The following AKR1B10 variants were observed in gnomAD, a reference collection of about 807,000 sequenced individuals.
AKR1B10 encodes aldo-keto reductase family 1 member B10, also known as ARP.
Under a neutral mutation model 38.9 loss-of-function variants are expected in AKR1B10, and 39 were observed. That is an observed-to-expected ratio of 1.00 (90% CI 0.78 to 1.31). The LOEUF (loss-of-function observed/expected upper bound fraction) is 1.31. AKR1B10 is among the 50% of genes most tolerant of loss of function. The probability of loss-of-function intolerance (pLI) is 0.00; values close to 1 mark genes in which losing one functional copy is unlikely to be tolerated. For synonymous variants in AKR1B10, 148 were observed against 141.2 expected, an observed-to-expected ratio of 1.05 and a Z score of -0.34; for missense variants, 361 against 382.6, an observed-to-expected ratio of 0.94 and a Z score of 0.47.
In AKR1B10 at chr7:134,528,933, G is replaced by A. The variant is rs1249642047; in HGVS notation, c.66+956G>A. On this transcript the variant is annotated intron_variant, in intron 1 of 9. Transcript: ENST00000359579. ...GTGAGCACCACCCGGCTGTGTTAAC[G>A]ACAGCTGGCAAAATGTGGTAAGGCA... Among the ~76,000 whole-genome samples the A allele has an allele frequency of 2.0e-5, 3 of 152,158 alleles. No individual in the cohort carries two copies. In the East Asian group the frequency reaches 5.8e-4, roughly 29 times the overall value.
intron 9 of AKR1B10, among the ~76,000 whole-genome samples, chr7:134,539,376 A>G (rs1808091404): frequency 6.6e-6 from 1 of 152,188 alleles, no homozygotes; most frequent in South Asian, 2.1e-4. Context: ...TGCTGCCTCC[A>G]TAGGCTTAGG....
intron 7 of AKR1B10, 74 bp downstream of exon 7, chr7:134,537,735 C>T: frequency 1.3e-6 from 2 of 1,546,694 alleles, no homozygotes; most frequent in South Asian, 1.1e-5. Context: ...CTGTGTTGTC[C>T]TCAACAAACT....
chr7:134,533,074 C>G lies in AKR1B10; in HGVS notation c.422C>G (p.Ala141Gly). 6.3e-7 allele frequency: 1 copy of G among 1,593,094 alleles called. No homozygotes were observed. The highest frequency in any genetic ancestry group is 8.5e-7 in the Non-Finnish European group (1 of 1,172,682). Residue 141 changes from alanine to glycine, a missense_variant, in exon 4 of 10, where the codon GCC (alanine) becomes GGC (glycine). Physicochemically the swap from Ala to Gly is moderately conservative, Grantham distance 60. This residue lies in a region of AKR1B10 where 220 missense variants were observed against 216.1 expected (regional missense o/e 1.02). Coordinates refer to ENST00000359579, the MANE Select transcript of AKR1B10 (RefSeq NM_020299.5). ...AIGGKATFLD[A>G]WEAMEELVDE... ...GGTGGAAAAGCAACGTTCTTGGATG[C>G]CTGGGAGGTAGGTTCCCAGCTTCCT...
chr7:134,528,196 C>G (rs1317597803), intron 1 of AKR1B10, among the ~76,000 whole-genome samples: 1 of 152,174 alleles, frequency 6.6e-6, no homozygotes, highest in Non-Finnish European at 1.5e-5. Flanking sequence ...GCTTCTCTAG[C>G]AAGTATCAAA....
intron 9 of AKR1B10, among the ~76,000 whole-genome samples, chr7:134,539,952 GC>G (rs1691708466): frequency 6.6e-6 from 1 of 152,182 alleles, no homozygotes; most frequent in Non-Finnish European, 1.5e-5. Context: ...TTTCGGCTGG[GC>G]GTGGTGGCCC....
At position 134,541,316 on chromosome 7, in the gene AKR1B10, C is replaced by A; in HGVS notation, c.*227C>A. On this transcript the variant is annotated 3_prime_UTR_variant, in exon 10 of 10. Coordinates refer to ENST00000359579, the MANE Select transcript of AKR1B10 (RefSeq NM_020299.5). Reference sequence around the variant, plus strand: ...TTGAATAAGGAAATGACAATTTTTTCCACTTATCTGATCAGAACAAATGTT... The same window carrying A: ...TTGAATAAGGAAATGACAATTTTTTACACTTATCTGATCAGAACAAATGTT... 2.1e-6 allele frequency: 1 copy of A among 477,288 alleles called. No homozygotes were observed. The highest frequency in any genetic ancestry group is 4.0e-5 in the East Asian group (1 of 25,212). The allele number at this position is 477,288 out of a possible 1,614,324, so 29.6% of individuals were successfully genotyped here.
In AKR1B10 at chr7:134,532,869, A is replaced by T. The variant is rs1050531682; in HGVS notation, c.352-135A>T. On this transcript the variant is annotated intron_variant, in intron 3 of 9. Coordinates refer to ENST00000359579, the MANE Select transcript of AKR1B10 (RefSeq NM_020299.5). ...GATTTTAATTAAACTCACATTCCTA[A>T]AGTATGTACTCCAGAACTTGAAAAA... 3.2e-5 allele frequency: 22 copies of T among 681,678 alleles called. No homozygotes were observed. The African/African-American group carries it at 4.1e-4, about 13-fold the overall frequency. The allele number at this position is 681,678 out of a possible 1,614,324, so 42.2% of individuals were successfully genotyped here. A position where few individuals can be genotyped will look rare whatever the true frequency, so the allele number is the denominator to read the frequency against.
At position 134,527,629 on chromosome 7, in the gene AKR1B10, G is replaced by C. The variant is rs552861596; in HGVS notation, c.-283G>C. 3.5e-3 allele frequency: 870 copies of C among 246,796 alleles called. 5 individuals carry two copies. Among genetic ancestry groups the C allele is most frequent in the Non-Finnish European group, 2.9e-3 (360 of 123,160 alleles). The allele number at this position is 246,796 out of a possible 1,614,324, so 15.3% of individuals were successfully genotyped here. On this transcript the variant is annotated 5_prime_UTR_variant, in exon 1 of 10. Coordinates refer to ENST00000359579, the MANE Select transcript of AKR1B10 (RefSeq NM_020299.5). ...ACCTGTAATCCCAGCACTTTGGAAG[G>C]CCGAGGTGGGCGGATCACCTGAGCT...
chr7:134,530,632 T>C lies in AKR1B10; in HGVS notation c.67-11T>C, dbSNP rs748412275. 2 of 1,613,840 alleles carry C rather than the reference T, an allele frequency of 1.2e-6. No homozygotes were observed. The highest frequency in any genetic ancestry group is 1.3e-5 in the African/African-American group (1 of 75,038). On this transcript the variant is annotated splice_polypyrimidine_tract_variant and intron_variant, in intron 1 of 9. Transcript: ENST00000359579. ...AACACATATGTGATGAGCTTTTCTT[T>C]TGCCTTTCAGTCTCCTCTTGGCAAA...
chr7:134,540,038 T>C (rs555177105), intron 9 of AKR1B10, among the ~76,000 whole-genome samples: 12 of 152,052 alleles, frequency 7.9e-5, no homozygotes, highest in African/African-American at 2.2e-4. Context: ...CCATCCTGGC[T>C]AACATGGTGA....
In AKR1B10 at chr7:134,530,827, G is replaced by A; in HGVS notation, c.234+17G>A. The A allele has an allele frequency of 6.3e-7, 1 of 1,598,508 alleles. No individual in the cohort carries two copies. The highest frequency in any genetic ancestry group is 8.5e-7 in the Non-Finnish European group (1 of 1,172,550). On this transcript the variant is annotated intron_variant, in intron 2 of 9. Transcript: ENST00000359579. ...GTCAGCAAGGTGCAATGGTGCATTTGGTGGGAGGCCTTCACTTCAAGGCAG... is the reference window on the plus strand; with the variant it reads ...GTCAGCAAGGTGCAATGGTGCATTTAGTGGGAGGCCTTCACTTCAAGGCAG...
At chr7:134,535,504 A>G (rs1332258178) in intron 4 of AKR1B10, 13 of 610,780 alleles carry the variant, frequency 2.1e-5, no homozygotes, top group African/African-American at 2.0e-5. Flanking sequence ...TGTTCCCTGA[A>G]CATGTCGTGC....
In AKR1B10 at chr7:134,527,942, G is replaced by A; in HGVS notation, c.31G>A (p.Ala11Thr). The change falls in exon 1 of 10, where the codon GCC becomes ACC. Residue 11 changes from alanine to threonine, a missense_variant. Physicochemically the swap from Ala to Thr is moderately conservative, Grantham distance 58. This residue lies in a region of AKR1B10 where 220 missense variants were observed against 216.1 expected (regional missense o/e 1.02). Transcript: ENST00000359579. The stretch of plus-strand genomic sequence containing the variant: ...CACGTTTGTGGAGCTCAGTACCAAA[G>A]CCAAGATGCCCATTGTGGGCCTGGG... The part of the protein sequence containing the change: MATFVELSTK[A>T]KMPIVGLGTW... The A allele has an allele frequency of 1.9e-6, 3 of 1,613,936 alleles. No homozygotes were observed. The highest frequency in any genetic ancestry group is 2.5e-6 in the Non-Finnish European group (3 of 1,179,982).
Position 134,536,718 on chromosome 7 carries a change from G to A in AKR1B10, c.498G>A (p.Gln166=), listed in dbSNP as rs751508069. 1 of 1,613,936 alleles carries A rather than the reference G, an allele frequency of 6.2e-7. No homozygotes were observed. Among genetic ancestry groups the A allele is most frequent in the Non-Finnish European group, 8.5e-7 (1 of 1,179,836 alleles). ...ALGVSNFSHF[Q]IEKLLNKPGL... is the part of the protein sequence containing the mutation. Reference sequence around the variant, plus strand: ...GGGTCTCCAATTTCAGCCACTTCCAGATCGAGAAGCTCTTGAACAAACCTG... The same window carrying A: ...GGGTCTCCAATTTCAGCCACTTCCAAATCGAGAAGCTCTTGAACAAACCTG... Residue 166 remains glutamine (Q), a synonymous_variant, in exon 5 of 10, where the codon CAG becomes CAA. Coordinates refer to ENST00000359579, the MANE Select transcript of AKR1B10 (RefSeq NM_020299.5).
At chr7:134,533,762 G>A (rs1807928388) in intron 4 of AKR1B10, among the ~76,000 whole-genome samples, 1 of 152,272 alleles carries the variant, frequency 6.6e-6, no homozygotes, top group East Asian at 1.9e-4. Flanking sequence ...GAGCCTGAGT[G>A]CTCTGCTTCT....
intron 2 of AKR1B10, 110 bp downstream of exon 2, chr7:134,530,920 T>A (rs567927051): frequency 7.1e-7 from 1 of 1,402,076 alleles, no homozygotes; most frequent in Admixed American, 2.3e-5. Flanking sequence ...CCCCTTTTCA[T>A]CTCTGCCTTG....
At chr7:134,536,541 C>T (rs750556475) in intron 4 of AKR1B10, 109 bp from the exon 5 acceptor site, 127 of 1,491,528 alleles carry the variant, frequency 8.5e-5, no homozygotes, top group East Asian at 1.6e-4. Flanking sequence ...TTCGGCTAAC[C>T]CTGTTACGGT....
chr7:134,533,159 G>A lies in AKR1B10; in HGVS notation c.429+78G>A, dbSNP rs1268899727. The A allele has an allele frequency of 5.2e-6, 6 of 1,152,976 alleles. No individual in the cohort carries two copies. The East Asian group carries it at 1.6e-4, about 30-fold the overall frequency. 71.4% of individuals were successfully genotyped at this position (1,152,976 alleles called of 1,614,324 possible). ...ATGAGATTCGCATGGATATGAATGA[G>A]GCCATGTGCCTGATGCTTTCTAATT... is the stretch of plus-strand genomic sequence containing the variant. On this transcript the variant is annotated intron_variant, in intron 4 of 9. Transcript: ENST00000359579.
chr7:134,532,419 C>G (rs1807885684), intron 3 of AKR1B10, among the ~76,000 whole-genome samples: 2 of 152,082 alleles, frequency 1.3e-5, no homozygotes, highest in African/African-American at 4.8e-5. Context: ...CAAAGTACAC[C>G]TGGGAGTGGC....
Sources: gnomAD v4.1 joint callset for allele counts (sites outside exome capture counted in the v4.1 genomes callset) on GRCh38, gnomAD v4.1.1 for gene constraint, gnomAD v4.1.1 regional missense constraint, MANE v1.5 for transcripts, NCBI Gene and HGNC (gene_info 2026-07-23, HGNC 2026-07-21) for gene names.